Variants in RAB3GAP2 observed in about 807,000 individuals in gnomAD.
RAB3GAP2 encodes the protein rab3 GTPase-activating protein non-catalytic subunit.
Under a neutral mutation model 185.3 loss-of-function variants are expected in RAB3GAP2, and 87 were observed. That is an observed-to-expected ratio of 0.47 (90% CI 0.39 to 0.56). The LOEUF (loss-of-function observed/expected upper bound fraction) is 0.56, where lower values mean the gene tolerates loss of function less well. Among genes scored for constraint, RAB3GAP2 ranks in the 20% least tolerant of loss-of-function variants. RAB3GAP2 has a pLI of 0.00. For synonymous variants in RAB3GAP2, 554 were observed against 576.1 expected, an observed-to-expected ratio of 0.96 and a Z score of 0.55; for missense variants, 1,492 against 1,638.2, an observed-to-expected ratio of 0.91 and a Z score of 1.54.
chr1:220,194,668 C>T (rs574690324), intron 12 of RAB3GAP2, among the ~76,000 whole-genome samples: 1 of 152,336 alleles, frequency 6.6e-6, no homozygotes, highest in East Asian at 1.9e-4. Context: ...GCTAGGATTA[C>T]AGGCGTGAGC....
chr1:220,210,422 T>G lies in RAB3GAP2; in HGVS notation c.578A>C (p.Tyr193Ser), dbSNP rs796521966. 1 of 1,614,104 alleles carries G rather than the reference T, an allele frequency of 6.2e-7. No individual in the cohort carries two copies. Among genetic ancestry groups the G allele is most frequent in the Non-Finnish European group, 8.5e-7 (1 of 1,179,954 alleles). ...DPVLQLKCRT[Y>S]EIPRHPGVTE... The stretch of plus-strand genomic sequence containing the variant: ...CACGCCGGGATGTCGTGGTATTTCA[T>G]AGGTTCTGCATTTAAGTTGAAGTAC... Residue 193 changes from tyrosine (Y) to serine (S), a missense_variant, in exon 7 of 35, where the codon TAT (tyrosine) becomes TCT (serine). Transcript: ENST00000358951.
At chr1:220,160,811 A>C (rs571626913) in intron 28 of RAB3GAP2, among the ~76,000 whole-genome samples, 1 of 152,202 alleles carries the variant, frequency 6.6e-6, no homozygotes, top group South Asian at 2.1e-4. Context: ...TGAGCTCCAA[A>C]CACTCCCTAT....
chr1:220,241,962 T>C (rs1659704779), intron 1 of RAB3GAP2, among the ~76,000 whole-genome samples: 2 of 152,002 alleles, frequency 1.3e-5, no homozygotes, highest in Admixed American at 1.3e-4. Context: ...TATGCAAAAA[T>C]TGCTAACTAA....
chr1:220,151,411 A>G lies in RAB3GAP2; in HGVS notation c.4027-5T>C, dbSNP rs779800010. 3.7e-5 allele frequency: 59 copies of G among 1,614,092 alleles called. No individual in the cohort carries two copies. Among genetic ancestry groups the G allele is most frequent in the Non-Finnish European group, 5.0e-5 (59 of 1,180,028 alleles). ...GTTTTGAAGGTCCTGGGGGTCCTGC[A>G]AATGGGACACAAAAATAACCTATTA... On this transcript the variant is annotated splice_region_variant and splice_polypyrimidine_tract_variant and intron_variant, in intron 34 of 34. Transcript: ENST00000358951.
chr1:220,157,257 G>A lies in RAB3GAP2; in HGVS notation c.3555+13C>T. The A allele has an allele frequency of 6.2e-7, 1 of 1,604,820 alleles. No individual in the cohort carries two copies. The highest frequency in any genetic ancestry group is 8.5e-7 in the Non-Finnish European group (1 of 1,171,922). On this transcript the variant is annotated intron_variant, in intron 31 of 34. Transcript: ENST00000358951. ...AACTCCAAAATAGCTCTGAAATCCT[G>A]TGAGGTACTTACCTTACTGTCAAAA...
Position 220,173,898 on chromosome 1 carries a change from T to C in RAB3GAP2, c.2311-1156A>G, listed in dbSNP as rs1397820777. On this transcript the variant is annotated intron_variant, in intron 21 of 34. Coordinates refer to ENST00000358951, the MANE Select transcript of RAB3GAP2 (RefSeq NM_012414.4). ...AGCTGGGCGGGGTGGCAGGTGCCTATAGTCCCAGCTACTTGGGAGGCTGAG... is the reference window on the plus strand; with the variant it reads ...AGCTGGGCGGGGTGGCAGGTGCCTACAGTCCCAGCTACTTGGGAGGCTGAG... 2.0e-5 allele frequency among the ~76,000 whole-genome samples: 3 copies of C among 151,558 alleles called. No homozygotes were observed. The East Asian group carries it at 5.8e-4, about 30-fold the overall frequency.
intron 2 of RAB3GAP2, among the ~76,000 whole-genome samples, chr1:220,227,558 G>C (rs1354457052): frequency 6.6e-6 from 1 of 152,150 alleles, no homozygotes; most frequent in East Asian, 1.9e-4. Flanking sequence ...GCATTCTGTG[G>C]CAGTGGCTGC....
chr1:220,155,528 C>T (rs901230077), intron 31 of RAB3GAP2, among the ~76,000 whole-genome samples: 1 of 152,220 alleles, frequency 6.6e-6, no homozygotes, highest in Non-Finnish European at 1.5e-5. Flanking sequence ...TCTATAATAG[C>T]ACCACTTATT....
chr1:220,207,080 G>A (rs1658981976), intron 7 of RAB3GAP2, among the ~76,000 whole-genome samples: 1 of 152,048 alleles, frequency 6.6e-6, no homozygotes, highest in Admixed American at 6.5e-5. Context: ...GAAATGAACT[G>A]GGCAAATAAT....
At chr1:220,244,721 G>C (rs2102898224) in intron 1 of RAB3GAP2, among the ~76,000 whole-genome samples, 1 of 152,228 alleles carries the variant, frequency 6.6e-6, no homozygotes, top group South Asian at 2.1e-4. Flanking sequence ...TAGACCACTG[G>C]AACAGAATAA....
Position 220,158,762 on chromosome 1 carries a change from C to T in RAB3GAP2, c.3261+624G>A, listed in dbSNP as rs1160724855. The stretch of plus-strand genomic sequence containing the variant: ...TGCCATATAATCTTTTTAAAACCAA[C>T]AATCTTATAATTTCCTCACATCCCC... On this transcript the variant is annotated intron_variant, in intron 29 of 34. Transcript: ENST00000358951. This position sits in a 1 kb window ranked among gnomAD's most constrained non-coding sequence, Gnocchi z 4.3. Among the ~76,000 whole-genome samples, 1 of 119,680 alleles carries T rather than the reference C, an allele frequency of 8.4e-6. No individual in the cohort carries two copies. Among genetic ancestry groups the T allele is most frequent in the Non-Finnish European group, 1.6e-5 (1 of 62,488 alleles). 78.5% of individuals were successfully genotyped at this position (119,680 alleles called of 152,430 possible). A position where few individuals can be genotyped will look rare whatever the true frequency, so the allele number is the denominator to read the frequency against.
intron 1 of RAB3GAP2, among the ~76,000 whole-genome samples, chr1:220,236,495 CAG>C (rs1358110440): frequency 3.9e-5 from 6 of 152,120 alleles, no homozygotes; most frequent in African/African-American, 1.4e-4. Flanking sequence ...TATTTCTACT[CAG>C]TGCCAGTGAT....
intron 1 of RAB3GAP2, among the ~76,000 whole-genome samples, chr1:220,258,752 G>C (rs1005209938): frequency 6.6e-6 from 1 of 152,178 alleles, no homozygotes; most frequent in Non-Finnish European, 1.5e-5. Context: ...TCAGGCAAGA[G>C]AAAGAAATAG....
rs746517310 is a variant in RAB3GAP2 at position 220,172,609 on chromosome 1, G to C, written c.2416+28C>G. ...TGTGACATTTCAAACACGAAACTTT[G>C]TTGACGAGAGCAACAAACTTTGTTT... On this transcript the variant is annotated intron_variant, in intron 22 of 34. Coordinates refer to ENST00000358951, the MANE Select transcript of RAB3GAP2 (RefSeq NM_012414.4). The C allele has an allele frequency of 4.0e-6, 6 of 1,482,654 alleles. No homozygotes were observed. The South Asian group carries it at 6.8e-5, about 17-fold the overall frequency. The allele number at this position is 1,482,654 out of a possible 1,614,324, so 91.8% of individuals were successfully genotyped here. A position where few individuals can be genotyped will look rare whatever the true frequency, so the allele number is the denominator to read the frequency against.
rs150704362 is a variant in RAB3GAP2 at position 220,157,485 on chromosome 1, C to T, written c.3340G>A (p.Asp1114Asn). 3.8e-5 allele frequency: 61 copies of T among 1,613,068 alleles called. No individual in the cohort carries two copies. In the African/African-American group the frequency reaches 7.1e-4, roughly 19 times the overall value. The change falls in exon 31 of 35, where the codon GAT becomes AAT. Residue 1114 changes from aspartate to asparagine, a missense_variant. Coordinates refer to ENST00000358951, the MANE Select transcript of RAB3GAP2 (RefSeq NM_012414.4). Reference sequence around the variant, plus strand: ...ACCTGTATTTCATCCCTGCTAACATCTGCCTAAGGGTTTTGAGAATGGAGG... The same window carrying T: ...ACCTGTATTTCATCCCTGCTAACATTTGCCTAAGGGTTTTGAGAATGGAGG... Reference protein sequence around the residue: ...LDLLQILMEADVSRDEIQVPV... With the variant: ...LDLLQILMEANVSRDEIQVPV...
chr1:220,200,403 C>T (rs1302503298), intron 9 of RAB3GAP2: 5 of 329,786 alleles, frequency 1.5e-5, no homozygotes, highest in Admixed American at 4.2e-5. Flanking sequence ...TCCCCATCAC[C>T]AAAACGTAAG....
intron 1 of RAB3GAP2, chr1:220,267,392 G>C: frequency 7.9e-7 from 1 of 1,259,736 alleles, no homozygotes; most frequent in Non-Finnish European, 1.2e-6. Flanking sequence ...CTGAGTTGAT[G>C]CTCCACTCCT....
At chr1:220,190,277 G>A in intron 15 of RAB3GAP2, 100 bp downstream of exon 15, 1 of 1,567,300 alleles carries the variant, frequency 6.4e-7, no homozygotes, top group African/African-American at 1.4e-5. Context: ...AAAGACAAAG[G>A]AAACAACAAA....
chr1:220,216,010 G>T lies in RAB3GAP2; in HGVS notation c.181-2031C>A, dbSNP rs183761232. 6.3e-3 allele frequency among the ~76,000 whole-genome samples: 961 copies of T among 151,936 alleles called. 4 individuals carry two copies. The highest frequency in any genetic ancestry group is 9.4e-3 in the Non-Finnish European group (638 of 67,952). ...TGTTACAGTAGTATCATATTTCCAGGAATAAATTATTTCTTGCTGGGATAC... is the reference window on the plus strand; with the variant it reads ...TGTTACAGTAGTATCATATTTCCAGTAATAAATTATTTCTTGCTGGGATAC... On this transcript the variant is annotated intron_variant, in intron 2 of 34. Coordinates refer to ENST00000358951, the MANE Select transcript of RAB3GAP2 (RefSeq NM_012414.4).
Sources: gnomAD v4.1 joint callset for allele counts (sites outside exome capture counted in the v4.1 genomes callset) on GRCh38, gnomAD v4.1.1 for gene constraint, Gnocchi (gnomAD v3.1) non-coding constraint, MANE v1.5 for transcripts, NCBI Gene and HGNC (gene_info 2026-07-23, HGNC 2026-07-21) for gene names.